The following BMP5 variants were observed in gnomAD, a reference collection of about 807,000 sequenced individuals.
The protein encoded by BMP5 is bone morphogenetic protein 5.
Under a neutral mutation model 46.6 loss-of-function variants are expected in BMP5, and 23 were observed. That is an observed-to-expected ratio of 0.49 (90% CI 0.35 to 0.70). BMP5 has a LOEUF of 0.70. BMP5 is among the 30% of genes least tolerant of loss of function. BMP5 has a pLI of 0.00. For synonymous variants in BMP5, 204 were observed against 191.9 expected, an observed-to-expected ratio of 1.06 and a Z score of -0.52; for missense variants, 545 against 565.6, an observed-to-expected ratio of 0.96 and a Z score of 0.37.
At chr6:55,798,519 T>C (rs1428971135) in intron 2 of BMP5, among the ~76,000 whole-genome samples, 1 of 152,168 alleles carries the variant, frequency 6.6e-6, no homozygotes, top group Non-Finnish European at 1.5e-5. Flanking sequence ...AATTTCATTG[T>C]TCATCTTGAT....
At chr6:55,833,976 T>A (rs1193512305) in intron 1 of BMP5, among the ~76,000 whole-genome samples, 2 of 152,154 alleles carry the variant, frequency 1.3e-5, no homozygotes, top group Non-Finnish European at 2.9e-5. Flanking sequence ...ATACAATATG[T>A]ATTTAGTAAA....
At chr6:55,769,946 A>G (rs1239236875) in intron 4 of BMP5, among the ~76,000 whole-genome samples, 1 of 151,890 alleles carries the variant, frequency 6.6e-6, no homozygotes, top group East Asian at 1.9e-4. Context: ...TAGTTAATAA[A>G]CCATGCTATC....
Position 55,794,324 on chromosome 6 carries a change from G to T in BMP5, c.787C>A (p.Pro263Thr). ...AGCTGTAAGCCCAAATTATTCTGGG[G>T]ATTAATCACCCAATGATTGCTGGTC... The part of the protein sequence containing the change: ...TVTSNHWVIN[P>T]QNNLGLQLCA... The change falls in exon 3 of 7, where the codon CCC becomes ACC. Residue 263 changes from proline (P) to threonine (T), a missense_variant. Pro to Thr is a conservative substitution (Grantham distance 38). Coordinates refer to ENST00000370830, the MANE Select transcript of BMP5 (RefSeq NM_021073.4). 2 of 1,613,904 alleles carry T rather than the reference G, an allele frequency of 1.2e-6. No individual in the cohort carries two copies. Among genetic ancestry groups the T allele is most frequent in the Non-Finnish European group, 1.7e-6 (2 of 1,179,896 alleles).
chr6:55,799,407 A>AAAGAGGAG (rs1377205591), intron 2 of BMP5, among the ~76,000 whole-genome samples: 2 of 152,200 alleles, frequency 1.3e-5, no homozygotes, highest in Admixed American at 1.3e-4. Context: ...AGAGGAGCAG[A>AAAGAGGAG]AAGAGGAGAA....
chr6:55,774,008 A>T (rs1299363421), intron 4 of BMP5, 41 bp downstream of exon 4: 1 of 1,602,466 alleles, frequency 6.2e-7, no homozygotes, highest in Non-Finnish European at 8.5e-7. Context: ...ATACGACCCC[A>T]TAACTCTCTG....
intron 1 of BMP5, among the ~76,000 whole-genome samples, chr6:55,861,234 T>C (rs999038464): frequency 4.6e-5 from 7 of 152,198 alleles, no homozygotes; most frequent in African/African-American, 1.7e-4. Context: ...ACTAATTTGC[T>C]GGCCAATCCC....
intron 4 of BMP5, among the ~76,000 whole-genome samples, chr6:55,761,620 T>C: frequency 6.6e-6 from 1 of 152,102 alleles, no homozygotes; most frequent in East Asian, 1.9e-4. Flanking sequence ...GATAGCTACA[T>C]GGCTAATTCC....
At chr6:55,817,548 A>C (rs1275108355) in intron 2 of BMP5, among the ~76,000 whole-genome samples, 1 of 152,058 alleles carries the variant, frequency 6.6e-6, no homozygotes, top group Non-Finnish European at 1.5e-5. Flanking sequence ...GGAATTGAAC[A>C]ATGAGAACAC....
At chr6:55,789,472 A>T (rs1775524899) in intron 3 of BMP5, among the ~76,000 whole-genome samples, 1 of 152,152 alleles carries the variant, frequency 6.6e-6, no homozygotes, top group Non-Finnish European at 1.5e-5. Context: ...AAGTTAGATT[A>T]AATTGCTATC....
intron 1 of BMP5, among the ~76,000 whole-genome samples, chr6:55,858,805 TA>T (rs1464263979): frequency 1.3e-5 from 2 of 152,094 alleles, no homozygotes; most frequent in African/African-American, 2.4e-5. Flanking sequence ...TATGCAGCCA[TA>T]AAAAAGAATG....
chr6:55,759,171 A>AAAAAAAAAAAAAAAAAAAAAC, intron 5 of BMP5, 56 bp from the exon 6 acceptor site: 1 of 829,908 alleles, frequency 1.2e-6, no homozygotes, highest in Non-Finnish European at 1.8e-6. Context: ...AAAAAAAAAA[A>AAAAAAAAAAAAAAAAAAAAAC]AAAAAAAAAA....
chr6:55,798,053 A>T (rs1775760008), intron 2 of BMP5, among the ~76,000 whole-genome samples: 1 of 152,158 alleles, frequency 6.6e-6, no homozygotes, highest in Non-Finnish European at 1.5e-5. Context: ...GATCTGTTCC[A>T]GGCTCTCTCC....
At chr6:55,777,659 T>A (rs187507715) in intron 3 of BMP5, among the ~76,000 whole-genome samples, 8 of 152,104 alleles carry the variant, frequency 5.3e-5, no homozygotes, top group African/African-American at 1.9e-4. Context: ...TCGCCAGGCA[T>A]ATATTTAAAG....
intron 1 of BMP5, among the ~76,000 whole-genome samples, chr6:55,859,750 T>C (rs1362490518): frequency 6.6e-6 from 1 of 152,214 alleles, no homozygotes; most frequent in African/African-American, 2.4e-5. Flanking sequence ...TTGCTGTATT[T>C]CCAGAATGGC....
At chr6:55,856,084 T>C (rs1777389420) in intron 1 of BMP5, among the ~76,000 whole-genome samples, 1 of 152,200 alleles carries the variant, frequency 6.6e-6, no homozygotes, top group South Asian at 2.1e-4. Flanking sequence ...TACTAATCTG[T>C]TCCTATATCT....
intron 4 of BMP5, among the ~76,000 whole-genome samples, chr6:55,766,965 G>A (rs1774930323): frequency 6.6e-6 from 1 of 151,910 alleles, no homozygotes; most frequent in African/African-American, 2.4e-5. Context: ...ATAGTGCATG[G>A]CATATAGTTA....
chr6:55,778,909 T>G (rs1395864569), intron 3 of BMP5, among the ~76,000 whole-genome samples: 1 of 152,052 alleles, frequency 6.6e-6, no homozygotes, highest in African/African-American at 2.4e-5. Context: ...CTGAGGTTAG[T>G]GTATTGTGGT....
At chr6:55,858,713 A>G (rs1777458467) in intron 1 of BMP5, among the ~76,000 whole-genome samples, 2 of 152,238 alleles carry the variant, frequency 1.3e-5, no homozygotes, top group Admixed American at 1.3e-4. Flanking sequence ...TATTTACAAT[A>G]GCAAAGACTT....
chr6:55,874,292 A>G, intron 1 of BMP5, 84 bp downstream of exon 1: 4 of 1,568,120 alleles, frequency 2.6e-6, no homozygotes, highest in Non-Finnish European at 3.5e-6. Context: ...TATAAACATG[A>G]CCACCTACCA....
Sources: allele counts gnomAD v4.1 joint callset (sites outside exome capture counted in the v4.1 genomes callset), GRCh38; gene constraint gnomAD v4.1.1; transcripts MANE v1.5; gene names NCBI Gene and HGNC (gene_info 2026-07-23, HGNC 2026-07-21).